Variants in CX3CR1 observed in about 807,000 individuals in gnomAD.
CX3CR1 encodes the protein CX3C chemokine receptor 1.
For synonymous variants in CX3CR1, 168 were observed against 178.5 expected, an observed-to-expected ratio of 0.94 and a Z score of 0.47; for missense variants, 363 against 432.4, an observed-to-expected ratio of 0.84 and a Z score of 1.42.
intron 1 of CX3CR1, among the ~76,000 whole-genome samples, chr3:39,267,054 G>T (rs1170382697): frequency 6.6e-6 from 1 of 152,166 alleles, no homozygotes; most frequent in East Asian, 1.9e-4. Flanking sequence ...AAAATGCTAG[G>T]ATTACAGGCG....
chr3:39,284,941 G>T (rs1172732238), upstream of CX3CR1, among the ~76,000 whole-genome samples: 1 of 152,204 alleles, frequency 6.6e-6, no homozygotes, highest in Non-Finnish European at 1.5e-5. Flanking sequence ...GCATCCAAAG[G>T]CTGTGTTGCC....
the CX3CR1 span, among the ~76,000 whole-genome samples, chr3:39,291,205 T>C: frequency 6.6e-6 from 1 of 151,898 alleles, no homozygotes; most frequent in Non-Finnish European, 1.5e-5. Flanking sequence ...TACAAGGGCC[T>C]GCCACTATGT....
upstream of CX3CR1, chr3:39,286,613 T>TGCAGTCC (rs566397681): frequency 5.9e-5 from 8 of 134,594 alleles, no homozygotes; most frequent in East Asian, 1.9e-3. Flanking sequence ...ATTGCGCCAC[T>TGCAGTCC]GCAGTCCGCA....
intron 1 of CX3CR1, among the ~76,000 whole-genome samples, chr3:39,268,799 C>A (rs2040736434): frequency 6.6e-6 from 1 of 152,180 alleles, no homozygotes; most frequent in African/African-American, 2.4e-5. Flanking sequence ...GGGATTCATT[C>A]TCATGCCTGC....
chr3:39,266,345 G>A lies in CX3CR1; in HGVS notation c.165C>T (p.Ala55=). Residue 55 remains alanine, a synonymous_variant, in exon 2 of 2, where the codon GCC becomes GCT. Transcript: ENST00000399220. ...GLVGNLLVVF[A]LTNSKKPKSV... is the part of the protein sequence containing the mutation. ...TCTTGGGCTTCTTGCTGTTGGTGAG[G>A]GCAAACACTACCAACAAATTTCCCA... 6.2e-7 allele frequency: 1 copy of A among 1,614,150 alleles called. No individual in the cohort carries two copies. Among genetic ancestry groups the A allele is most frequent in the South Asian group, 1.1e-5 (1 of 91,076 alleles).
chr3:39,286,684 T>C (rs1272344341), upstream of CX3CR1: 2 of 142,744 alleles, frequency 1.4e-5, no homozygotes, highest in Admixed American at 7.0e-5. Flanking sequence ...AAAAAGACTA[T>C]AATTGGACCA....
chr3:39,278,881 T>G (rs896474945), intron 1 of CX3CR1, among the ~76,000 whole-genome samples: 1 of 152,150 alleles, frequency 6.6e-6, no homozygotes, highest in African/African-American at 2.4e-5. Flanking sequence ...GAAGACCATG[T>G]TTTCCACCCA....
At chr3:39,267,205 G>C (rs2040711937) in intron 1 of CX3CR1, among the ~76,000 whole-genome samples, 1 of 152,108 alleles carries the variant, frequency 6.6e-6, no homozygotes, top group South Asian at 2.1e-4. Context: ...AGCAGGAGGG[G>C]GAGGGGGGTG....
chr3:39,283,815 ATATATATATATATATATATATATATAAT>A (rs1394648627), upstream of CX3CR1, among the ~76,000 whole-genome samples: 5 of 67,684 alleles, frequency 7.4e-5, no homozygotes, highest in Non-Finnish European at 1.5e-4. Flanking sequence ...ATATATATAT[ATATATATATATATATATATATATATAAT>A]GTGGTTAATA....
chr3:39,281,743 T>G, upstream of CX3CR1: 1 of 1,411,908 alleles, frequency 7.1e-7, no homozygotes, highest in Non-Finnish European at 9.8e-7. Flanking sequence ...CCCTTCTCAC[T>G]TCCTACTGTG....
chr3:39,277,063 A>G lies in CX3CR1; in HGVS notation c.-10+2891T>C, dbSNP rs771199413. Among the ~76,000 whole-genome samples, 73 of 152,230 alleles carry G rather than the reference A, an allele frequency of 4.8e-4. 1 individual carries two copies. The highest frequency in any genetic ancestry group is 1.2e-3 in the Admixed American group (19 of 15,282). On this transcript the variant is annotated intron_variant, in intron 1 of 1. Transcript: ENST00000399220. ...TTTTGCAATAAACAAAATACAACAC[A>G]CTGAAAAGAGACTTTCCATTTTCTC...
upstream of CX3CR1, among the ~76,000 whole-genome samples, chr3:39,282,826 C>G (rs187025193): frequency 1.5e-4 from 23 of 152,322 alleles, no homozygotes; most frequent in Admixed American, 2.6e-4. Flanking sequence ...AGGCAATGTC[C>G]TAAGTCCTCG....
chr3:39,282,127 C>T (rs2040908346), upstream of CX3CR1, among the ~76,000 whole-genome samples: 1 of 152,214 alleles, frequency 6.6e-6, no homozygotes, highest in South Asian at 2.1e-4. Flanking sequence ...CAAGGTTGCT[C>T]ACTGCAAACT....
upstream of CX3CR1, chr3:39,281,751 G>T: frequency 7.5e-7 from 1 of 1,338,892 alleles, no homozygotes; most frequent in Non-Finnish European, 1.0e-6. Context: ...ACTTCCTACT[G>T]TGCTCTCACC....
At chr3:39,281,288 C>T (rs904331631), upstream of CX3CR1, 30 of 1,116,684 alleles carry the variant, frequency 2.7e-5, no homozygotes, top group Non-Finnish European at 3.2e-5. Context: ...TCAGGCCGCT[C>T]CCCATCCACT....
chr3:39,276,095 G>A (rs577719465), intron 1 of CX3CR1, among the ~76,000 whole-genome samples: 2 of 152,316 alleles, frequency 1.3e-5, no homozygotes, highest in Non-Finnish European at 2.9e-5. Flanking sequence ...GAGGGAAATA[G>A]GAACAGAAGG....
At position 39,268,102 on chromosome 3, in the gene CX3CR1, G is replaced by A. The variant is rs142587307; in HGVS notation, c.-9-1584C>T. ...TCCATGATGGTTTTACCCAGGTGGT[G>A]TCTCACCAAGATGAGGGCCCACCCA... On this transcript the variant is annotated intron_variant, in intron 1 of 1. Transcript: ENST00000399220. Among the ~76,000 whole-genome samples the A allele has an allele frequency of 5.4e-4, 83 of 152,308 alleles. 1 individual carries two copies. The Middle Eastern group carries it at 0.014, about 25-fold the overall frequency.
intron 1 of CX3CR1, among the ~76,000 whole-genome samples, chr3:39,278,885 C>G (rs1013654733): frequency 6.6e-6 from 1 of 152,110 alleles, no homozygotes; most frequent in Non-Finnish European, 1.5e-5. Flanking sequence ...ACCATGTTTT[C>G]CACCCACACA....
intron 1 of CX3CR1, among the ~76,000 whole-genome samples, chr3:39,276,460 G>A (rs2040842008): frequency 6.6e-6 from 1 of 152,206 alleles, no homozygotes; most frequent in South Asian, 2.1e-4. Flanking sequence ...TAGTGGAGAT[G>A]CACTGGATTA....
Sources: allele counts gnomAD v4.1 joint callset (sites outside exome capture counted in the v4.1 genomes callset), GRCh38; gene constraint gnomAD v4.1.1; transcripts MANE v1.5; gene names NCBI Gene and HGNC (gene_info 2026-07-23, HGNC 2026-07-21).